CDKAL1: variants seen among roughly 807,000 people sequenced by gnomAD.
The protein encoded by CDKAL1 is CDKAL1 threonylcarbamoyladenosine tRNA methylthiotransferase.
A neutral mutation model predicts 68.2 loss-of-function variants in CDKAL1; 32 were observed. The observed-to-expected ratio is 0.47, with a 90% CI of 0.35 to 0.63. The LOEUF is 0.63. CDKAL1 is among the 30% of genes least tolerant of loss of function. The pLI, the probability that CDKAL1 is intolerant of heterozygous loss-of-function variation, is 0.00. For synonymous variants in CDKAL1, 234 were observed against 244.3 expected, an observed-to-expected ratio of 0.96 and a Z score of 0.39; for missense variants, 606 against 696.7, an observed-to-expected ratio of 0.87 and a Z score of 1.47.
chr6:21,107,883 G>A (rs4712585), intron 12 of CDKAL1, among the ~76,000 whole-genome samples: 106,868 of 152,110 alleles, frequency 0.7, 38,196 homozygotes, highest in East Asian at 0.94. Context: ...ACACCATGCA[G>A]GGTACCTAGG....
Position 20,634,689 on chromosome 6 carries a change from T to C in CDKAL1, c.287-14604T>C, listed in dbSNP as rs1333300435. On this transcript the variant is annotated intron_variant, in intron 4 of 15. Transcript: ENST00000274695. Reference sequence around the variant, plus strand: ...GTGAGGGGAAAGGAATGATTAAACATGATTCCAGCAAGGTGTGGTGGCTCA... The same window carrying C: ...GTGAGGGGAAAGGAATGATTAAACACGATTCCAGCAAGGTGTGGTGGCTCA... Among the ~76,000 whole-genome samples, 3 of 152,180 alleles carry C rather than the reference T, an allele frequency of 2.0e-5. No homozygotes were observed. The South Asian group carries it at 6.2e-4, about 31-fold the overall frequency.
intron 4 of CDKAL1, among the ~76,000 whole-genome samples, chr6:20,571,111 T>C (rs1764682816): frequency 6.6e-6 from 1 of 152,186 alleles, no homozygotes; most frequent in Non-Finnish European, 1.5e-5. Context: ...ATTATATTGA[T>C]GTTACGAAGT....
At chr6:20,772,399 A>T (rs533905053) in intron 7 of CDKAL1, among the ~76,000 whole-genome samples, 19 of 152,280 alleles carry the variant, frequency 1.2e-4, no homozygotes, top group African/African-American at 4.6e-4. Flanking sequence ...TGTACATTTG[A>T]TTTGGATTCT....
chr6:20,579,695 C>T lies in CDKAL1; in HGVS notation c.286+30990C>T, dbSNP rs576976620. ...AACCTGGCTGGTCTGATTTCAGAGCCCGTGCTCTTAATCACTGCACCGTGT... is the reference window on the plus strand; with the variant it reads ...AACCTGGCTGGTCTGATTTCAGAGCTCGTGCTCTTAATCACTGCACCGTGT... On this transcript the variant is annotated intron_variant, in intron 4 of 15. Transcript: ENST00000274695. 2.0e-5 allele frequency among the ~76,000 whole-genome samples: 3 copies of T among 152,266 alleles called. No individual in the cohort carries two copies. In the East Asian group the frequency reaches 5.8e-4, roughly 29 times the overall value.
intron 9 of CDKAL1, among the ~76,000 whole-genome samples, chr6:20,940,245 TATATC>T (rs1432363684): frequency 1.3e-5 from 2 of 152,200 alleles, no homozygotes; most frequent in East Asian, 1.9e-4. Flanking sequence ...CACAAAATCT[TATATC>T]TATCAATCAT....
intron 7 of CDKAL1, among the ~76,000 whole-genome samples, chr6:20,761,574 G>A (rs1774468966): frequency 6.6e-6 from 1 of 152,106 alleles, no homozygotes; most frequent in South Asian, 2.1e-4. Flanking sequence ...AGACAATGGA[G>A]TATTATTTGA....
intron 5 of CDKAL1, among the ~76,000 whole-genome samples, chr6:20,683,361 C>T (rs931428133): frequency 6.6e-6 from 1 of 152,008 alleles, no homozygotes; most frequent in Non-Finnish European, 1.5e-5. Flanking sequence ...TATTTTGTTT[C>T]TTATTTTTAT....
chr6:20,859,957 T>A (rs906057610), intron 9 of CDKAL1, among the ~76,000 whole-genome samples: 4 of 152,210 alleles, frequency 2.6e-5, no homozygotes, highest in African/African-American at 4.8e-5. Context: ...CATTAAAGTG[T>A]CCACTTAAAT....
At chr6:20,772,817 CTG>C (rs1295308397) in intron 7 of CDKAL1, 1 of 152,114 alleles carries the variant, frequency 6.6e-6, no homozygotes, top group Non-Finnish European at 1.5e-5. Context: ...GGGATTTAAA[CTG>C]TGTACTGTGA....
chr6:20,991,123 T>TA (rs1359817872), intron 10 of CDKAL1, among the ~76,000 whole-genome samples: 3 of 152,154 alleles, frequency 2.0e-5, no homozygotes, highest in Non-Finnish European at 4.4e-5. Flanking sequence ...GAAAAAGATA[T>TA]AAAAAACATA....
Position 21,230,966 on chromosome 6 carries a change from G to C in CDKAL1, c.1667G>C (p.Cys556Ser), listed in dbSNP as rs74874333. The part of the protein sequence containing the change: ...VLPMPRLHQD[C>S]ALRMSVGLAL... ...CCCATGCCAAGGCTACATCAAGACT[G>C]TGCGCTGAGGATGTCCGTGGGCTTG... The change falls in exon 16 of 16, where the codon TGT becomes TCT. Residue 556 changes from cysteine (C) to serine (S), a missense_variant. Cys to Ser is a moderately radical substitution (Grantham distance 112, BLOSUM62 -1). Coordinates refer to ENST00000274695, the MANE Select transcript of CDKAL1 (RefSeq NM_017774.3). 6.2e-7 allele frequency: 1 copy of C among 1,613,762 alleles called. No individual in the cohort carries two copies. Among genetic ancestry groups the C allele is most frequent in the Non-Finnish European group, 8.5e-7 (1 of 1,179,778 alleles).
chr6:20,548,820 CAG>C, intron 4 of CDKAL1, 115 bp downstream of exon 4: 1 of 553,724 alleles, frequency 1.8e-6, no homozygotes, highest in African/African-American at 2.0e-5. Context: ...TAAGGTGAAA[CAG>C]ATAGTTATTA....
intron 8 of CDKAL1, among the ~76,000 whole-genome samples, chr6:20,842,413 A>G (rs549618498): frequency 6.6e-6 from 1 of 152,314 alleles, no homozygotes; most frequent in African/African-American, 2.4e-5. Flanking sequence ...AAAAATAAAC[A>G]TACAAGCAGT....
chr6:20,825,979 T>C (rs527881749), intron 8 of CDKAL1, among the ~76,000 whole-genome samples: 15 of 152,164 alleles, frequency 9.9e-5, no homozygotes, highest in Admixed American at 2.6e-4. Flanking sequence ...TTAGCTACTT[T>C]TTCTTTACTC....
At chr6:21,064,915 T>C in intron 11 of CDKAL1, 133 bp from the exon 12 acceptor site, 1 of 537,664 alleles carries the variant, frequency 1.9e-6, no homozygotes, top group Non-Finnish European at 3.0e-6. Context: ...TAGGACTCTT[T>C]GAAACTATTT....
At chr6:20,604,097 C>G (rs979066857) in intron 4 of CDKAL1, among the ~76,000 whole-genome samples, 1 of 152,022 alleles carries the variant, frequency 6.6e-6, no homozygotes. Flanking sequence ...ATGTGAATGC[C>G]TGTTAAAGGG....
chr6:20,541,738 A>G (rs569199858), intron 2 of CDKAL1, among the ~76,000 whole-genome samples: 82 of 151,824 alleles, frequency 5.4e-4, no homozygotes, highest in African/African-American at 1.9e-3. Context: ...TCGGCTAACC[A>G]AAACCTCTGC....
chr6:20,872,947 T>G (rs1760300044), intron 9 of CDKAL1, among the ~76,000 whole-genome samples: 1 of 152,084 alleles, frequency 6.6e-6, no homozygotes, highest in Non-Finnish European at 1.5e-5. Context: ...TGAAAAGGGT[T>G]GTGTCGGTAA....
At chr6:21,079,449 C>T (rs1236525965) in intron 12 of CDKAL1, among the ~76,000 whole-genome samples, 2 of 152,218 alleles carry the variant, frequency 1.3e-5, no homozygotes, top group Non-Finnish European at 2.9e-5. Context: ...TAAAGAATCT[C>T]TGTGACTTAT....
Sources: allele counts gnomAD v4.1 joint callset (sites outside exome capture counted in the v4.1 genomes callset), GRCh38; gene constraint gnomAD v4.1.1; transcripts MANE v1.5; gene names NCBI Gene and HGNC (gene_info 2026-07-23, HGNC 2026-07-21).